Variants in EPDR1 observed in about 807,000 individuals in gnomAD.
EPDR1 encodes the protein ependymin related 1.
A neutral mutation model predicts 23.7 loss-of-function variants in EPDR1; 27 were observed. The ratio of observed to expected loss-of-function variants is 1.14; its 90% CI spans 0.84 to 1.57. The LOEUF (loss-of-function observed/expected upper bound fraction) is 1.57, where lower values mean the gene tolerates loss of function less well. Ranked by LOEUF, EPDR1 falls within the 40% of genes most tolerant of loss-of-function variation. The probability of loss-of-function intolerance (pLI) is 0.00; values close to 1 mark genes in which losing one functional copy is unlikely to be tolerated. For missense variants in EPDR1, 349 were observed against 290.4 expected (o/e 1.20, Z -1.47); for synonymous variants, 137 against 118.2 (o/e 1.16, Z -1.03).
chr7:37,940,995 T>C (rs1786162319), intron 1 of EPDR1, among the ~76,000 whole-genome samples: 2 of 152,168 alleles, frequency 1.3e-5, no homozygotes, highest in South Asian at 2.1e-4. Flanking sequence ...TGCCACCTTG[T>C]GTCGTAGAAC....
intron 2 of EPDR1, 42 bp from the exon 3 acceptor site, chr7:37,950,158 C>A: frequency 7.0e-7 from 1 of 1,424,608 alleles, no homozygotes; most frequent in Non-Finnish European, 9.7e-7. Context: ...GAACTTCTTG[C>A]CTGTCTTCTT....
intron 1 of EPDR1, among the ~76,000 whole-genome samples, chr7:37,931,985 C>G (rs544867535): frequency 2.6e-5 from 4 of 152,142 alleles, no homozygotes; most frequent in South Asian, 4.2e-4. Flanking sequence ...TGGGATTACA[C>G]GCGTGAGCCA....
intron 1 of EPDR1, among the ~76,000 whole-genome samples, chr7:37,940,473 A>G (rs190762250): frequency 6.6e-6 from 1 of 152,334 alleles, no homozygotes; most frequent in Admixed American, 6.5e-5. Context: ...TGATCTATCA[A>G]TCTGGAAACA....
At chr7:37,925,462 G>T (rs921840030) in intron 1 of EPDR1, among the ~76,000 whole-genome samples, 1 of 152,222 alleles carries the variant, frequency 6.6e-6, no homozygotes, top group South Asian at 2.1e-4. Context: ...CACAAATGGG[G>T]CAGCAGGTGG....
chr7:37,935,632 G>A (rs548547132), intron 1 of EPDR1, among the ~76,000 whole-genome samples: 13 of 152,054 alleles, frequency 8.5e-5, no homozygotes, highest in African/African-American at 1.4e-4. Flanking sequence ...AACCTTTTAC[G>A]TTGTCTGTAA....
intron 1 of EPDR1, among the ~76,000 whole-genome samples, chr7:37,939,810 G>A (rs964271922): frequency 6.6e-6 from 1 of 152,128 alleles, no homozygotes; most frequent in Non-Finnish European, 1.5e-5. Context: ...TCTGTTGGCA[G>A]GACTATAAAG....
rs113058448 is a variant in EPDR1 at position 37,945,740 on chromosome 7, G to A, written c.270-3100G>A. On this transcript the variant is annotated intron_variant, in intron 1 of 2. Transcript: ENST00000199448. ...TTTTTTTCTTCAACTTTTATTCTAAGTCAGGGGTACATGTGCAGGATGTGC... is the reference window on the plus strand; with the variant it reads ...TTTTTTTCTTCAACTTTTATTCTAAATCAGGGGTACATGTGCAGGATGTGC... Among the ~76,000 whole-genome samples, 543 of 152,166 alleles carry A rather than the reference G, an allele frequency of 3.6e-3. 6 individuals are homozygous for A. The highest frequency in any genetic ancestry group is 0.013 in the African/African-American group (522 of 41,510).
chr7:37,921,438 C>T, intron 1 of EPDR1: 1 of 1,380,400 alleles, frequency 7.2e-7, no homozygotes, highest in Non-Finnish European at 9.3e-7. Context: ...TAACACCCAG[C>T]GAGGCGGTGG....
At position 37,930,092 on chromosome 7, in the gene EPDR1, T is replaced by A. The variant is rs556781666; in HGVS notation, c.269+8884T>A. On this transcript the variant is annotated intron_variant, in intron 1 of 2. Coordinates refer to ENST00000199448, the MANE Select transcript of EPDR1 (RefSeq NM_017549.5). Reference sequence around the variant, plus strand: ...GGCAACTTCTCCTGGAGGAAAAGGATATACATGCCTTGGATGACTCCTGCC... The same window carrying A: ...GGCAACTTCTCCTGGAGGAAAAGGAAATACATGCCTTGGATGACTCCTGCC... Among the ~76,000 whole-genome samples the A allele has an allele frequency of 5.9e-5, 9 of 152,306 alleles. No homozygotes were observed. In the East Asian group the frequency reaches 1.7e-3, roughly 29 times the overall value.
chr7:37,930,780 G>T (rs1340042790), intron 1 of EPDR1, among the ~76,000 whole-genome samples: 1 of 152,170 alleles, frequency 6.6e-6, no homozygotes, highest in Non-Finnish European at 1.5e-5. Flanking sequence ...TTAGTATATT[G>T]AAAAGAATTT....
chr7:37,937,984 A>ATTTTTTTTTT (rs1347900474), intron 1 of EPDR1, among the ~76,000 whole-genome samples: 1 of 62,244 alleles, frequency 1.6e-5, no homozygotes, highest in Non-Finnish European at 3.1e-5. Flanking sequence ...GTGCCCTTTA[A>ATTTTTTTTTT]ATTTTTTTTT....
chr7:37,931,585 AT>A (rs1177255078), intron 1 of EPDR1, among the ~76,000 whole-genome samples: 3 of 151,896 alleles, frequency 2.0e-5, no homozygotes, highest in African/African-American at 4.8e-5. Context: ...CGTTTCAATA[AT>A]TTTTTTTCTG....
At chr7:37,938,253 G>A (rs1351109720) in intron 1 of EPDR1, among the ~76,000 whole-genome samples, 4 of 152,040 alleles carry the variant, frequency 2.6e-5, no homozygotes, top group African/African-American at 9.7e-5. Flanking sequence ...ACCTCCCAAA[G>A]TGCTGGGATT....
Position 37,921,043 on chromosome 7 carries a change from C to A in EPDR1, c.104C>A (p.Ala35Glu), listed in dbSNP as rs139253449. The change falls in exon 1 of 3, where the codon GCG becomes GAG. Residue 35 changes from alanine (A) to glutamate (E), a missense_variant. Physicochemically the swap from Ala to Glu is moderately radical, Grantham distance 107. Transcript: ENST00000199448. ...CTGTGCGGCCTGTGCAGCCTGGGGG[C>A]GGTGGGAGCCCCGCGCCCGTGCCAG... is the stretch of plus-strand genomic sequence containing the variant. ...WTLCGLCSLG[A>E]VGAPRPCQAP... is the part of the protein sequence containing the mutation. 9.1e-6 allele frequency: 14 copies of A among 1,531,812 alleles called. No individual in the cohort carries two copies. The South Asian group carries it at 1.3e-4, about 15-fold the overall frequency. The allele number at this position is 1,531,812 out of a possible 1,614,324, so 94.9% of individuals were successfully genotyped here.
intron 1 of EPDR1, among the ~76,000 whole-genome samples, chr7:37,933,771 G>A (rs746965437): frequency 6.6e-6 from 1 of 152,148 alleles, no homozygotes; most frequent in Non-Finnish European, 1.5e-5. Flanking sequence ...AATGAATTGA[G>A]TAGATGTTAT....
chr7:37,944,894 C>A (rs772116423), intron 1 of EPDR1, among the ~76,000 whole-genome samples: 2 of 152,150 alleles, frequency 1.3e-5, no homozygotes, highest in Non-Finnish European at 2.9e-5. Context: ...CTCCAGGGAA[C>A]AACTATTGCA....
At chr7:37,945,927 C>T (rs1333468021) in intron 1 of EPDR1, among the ~76,000 whole-genome samples, 1 of 152,034 alleles carries the variant, frequency 6.6e-6, no homozygotes, top group Non-Finnish European at 1.5e-5. Flanking sequence ...CCGACGCGTC[C>T]ATTTGTTCTC....
chr7:37,949,391 C>A (rs551368267), intron 2 of EPDR1, among the ~76,000 whole-genome samples: 1 of 152,250 alleles, frequency 6.6e-6, no homozygotes, highest in South Asian at 2.1e-4. Context: ...TTTCTTTCCC[C>A]CACTTCCTAA....
rs1786411157 is a variant in EPDR1, at chr7:37,951,684, T to A, written c.*1288T>A. ...TAGGGAGAGACTTCCAGTAATAAAA[T>A]TTACTATTCTAGATGCTTCTACTGT... On this transcript the variant is annotated 3_prime_UTR_variant, in exon 3 of 3. Transcript: ENST00000199448. 1 of 152,236 alleles carries A rather than the reference T, an allele frequency of 6.6e-6. No homozygotes were observed. The allele number at this position is 152,236 out of a possible 1,614,324, so 9.4% of individuals were successfully genotyped here. A position where few individuals can be genotyped will look rare whatever the true frequency, so the allele number is the denominator to read the frequency against.
Sources: allele counts gnomAD v4.1 joint callset (sites outside exome capture counted in the v4.1 genomes callset), GRCh38; gene constraint gnomAD v4.1.1; transcripts MANE v1.5; gene names NCBI Gene and HGNC (gene_info 2026-07-23, HGNC 2026-07-21).